Variants in RIF1 observed in about 807,000 individuals in gnomAD.
The protein encoded by RIF1 is telomere-associated protein RIF1.
In RIF1, 45 loss-of-function variants were observed where a neutral mutation model predicts 247.1. The ratio of observed to expected loss-of-function variants is 0.18; its 90% CI spans 0.14 to 0.23. The LOEUF (loss-of-function observed/expected upper bound fraction) is 0.23. Ranked by LOEUF, RIF1 falls within the 10% of genes least tolerant of loss-of-function variation. RIF1 has a pLI of 1.00. For synonymous variants in RIF1, 1,087 were observed against 978.8 expected (o/e 1.11, Z -2.06); for missense variants, 2,967 against 2,862.5 (o/e 1.04, Z -0.83).
At chr2:151,529,132 GA>G in the RIF1 span, 3 of 925,180 alleles carry the variant, frequency 3.2e-6, no homozygotes, top group Admixed American at 5.7e-5. Flanking sequence ...ATTGCCTGAA[GA>G]GATGTAAAAA....
In RIF1 at chr2:151,456,616, A is replaced by G. The variant is rs202018528; in HGVS notation, c.2648A>G (p.Asn883Ser). The change falls in exon 23 of 36, where the codon AAC (asparagine) becomes AGC (serine). Residue 883 changes from asparagine (N) to serine (S), a missense_variant. By Grantham distance (46) the Asn-to-Ser change is conservative. Transcript: ENST00000444746. ...EVPKVYSCLN[N>S]KLEKLLGEII... ...CCTAAAGTATATAGTTGTCTGAACAACAAGGTAAAAATAGACAATTCTCCA... is the reference window on the plus strand; with the variant it reads ...CCTAAAGTATATAGTTGTCTGAACAGCAAGGTAAAAATAGACAATTCTCCA... 6.5e-5 allele frequency: 98 copies of G among 1,506,084 alleles called. No homozygotes were observed. Among genetic ancestry groups the G allele is most frequent in the Non-Finnish European group, 8.7e-5 (95 of 1,094,552 alleles). The allele number at this position is 1,506,084 out of a possible 1,614,324, so 93.3% of individuals were successfully genotyped here.
At position 151,478,707 on chromosome 2, in the gene RIF1, A is replaced by G. The variant is rs1461002447; in HGVS notation, c.*3636A>G. ...AGTGAGAATAGAGTAATTGCTTTTT[A>G]AAAAGAAAGTATAAATGGGTTAATT... is the stretch of plus-strand genomic sequence containing the variant. On this transcript the variant is annotated 3_prime_UTR_variant, in exon 36 of 36. Coordinates refer to ENST00000444746, the MANE Select transcript of RIF1 (RefSeq NM_018151.5). 6.6e-6 allele frequency: 1 copy of G among 152,188 alleles called. No homozygotes were observed. The highest frequency in any genetic ancestry group is 1.9e-4 in the East Asian group (1 of 5,206). 9.4% of individuals were successfully genotyped at this position (152,188 alleles called of 1,614,324 possible).
downstream of RIF1, among the ~76,000 whole-genome samples, chr2:151,512,537 C>T (rs1275902997): frequency 1.3e-5 from 2 of 151,914 alleles, no homozygotes; most frequent in African/African-American, 4.8e-5. Context: ...TGATCTCAAA[C>T]TCGTGGACTT....
chr2:151,461,288 C>T lies in RIF1; in HGVS notation c.3226C>T (p.Arg1076Trp), dbSNP rs781586465. 173 of 1,610,680 alleles carry T rather than the reference C, an allele frequency of 1.1e-4. 1 individual carries two copies. The highest frequency in any genetic ancestry group is 5.6e-5 in the South Asian group (5 of 89,886). The stretch of plus-strand genomic sequence containing the variant: ...TCAAAAAGAAGTTCTCAAAACAAAG[C>T]GGTTTGTAGGCCTTTTATCTTGAGT... Reference protein sequence around the residue: ...DHQKEVLKTKRCDIPAMYNNL... With the variant: ...DHQKEVLKTKWCDIPAMYNNL... Residue 1076 changes from arginine to tryptophan, a missense_variant and splice_region_variant, in exon 27 of 36, where the codon CGG (arginine) becomes TGG (tryptophan). Physicochemically the swap from Arg to Trp is moderately radical, Grantham distance 101. Around this residue, in one of 7 missense-constraint regions of RIF1, gnomAD observed 2,028 missense variants for 1,825.6 expected, o/e 1.11. Transcript: ENST00000444746.
downstream of RIF1, among the ~76,000 whole-genome samples, chr2:151,512,463 C>T (rs535125329): frequency 2.0e-5 from 3 of 152,260 alleles, no homozygotes; most frequent in South Asian, 6.2e-4. Context: ...GAAGCTGGGA[C>T]TGGCGTGCAC....
rs1696618853 is a variant in RIF1 at position 151,464,426 on chromosome 2, A to G, written c.4906A>G (p.Thr1636Ala). 2.5e-6 allele frequency: 4 copies of G among 1,613,500 alleles called. No homozygotes were observed. The highest frequency in any genetic ancestry group is 3.4e-6 in the Non-Finnish European group (4 of 1,179,820). Residue 1636 changes from threonine to alanine, a missense_variant, in exon 30 of 36, where the codon ACT becomes GCT. Physicochemically the swap from Thr to Ala is moderately conservative, Grantham distance 58. Coordinates refer to ENST00000444746, the MANE Select transcript of RIF1 (RefSeq NM_018151.5). ...NTVICQDSTVTSDLLQVPDDL... is the reference protein window; with the variant it reads ...NTVICQDSTVASDLLQVPDDL... ...TGTAATATGTCAGGATTCTACAGTA[A>G]CTTCAGATTTGTTGCAAGTTCCTGA...
At chr2:151,526,822 A>G in the RIF1 span, 1 of 906,094 alleles carries the variant, frequency 1.1e-6, no homozygotes, top group Non-Finnish European at 1.8e-6. Flanking sequence ...TGATGGAAGC[A>G]GCTCTTCTCC....
intron 20 of RIF1, among the ~76,000 whole-genome samples, chr2:151,450,161 T>C (rs1694044908): frequency 6.6e-6 from 1 of 152,096 alleles, no homozygotes; most frequent in African/African-American, 2.4e-5. Flanking sequence ...CCCCCCTTTT[T>C]TTTTTAATAG....
chr2:151,414,742 T>C, intron 3 of RIF1, 81 bp from the exon 4 acceptor site: 2 of 883,576 alleles, frequency 2.3e-6, no homozygotes, highest in Non-Finnish European at 3.6e-6. Context: ...TGAATATGCT[T>C]GTTCTGTAAT....
At chr2:151,412,840 G>A (rs1039270448) in intron 3 of RIF1, among the ~76,000 whole-genome samples, 9 of 151,958 alleles carry the variant, frequency 5.9e-5, no homozygotes, top group Middle Eastern at 6.3e-3. Flanking sequence ...GATTTTTGGC[G>A]AAGTATTAAC....
At chr2:151,527,510 C>T in the RIF1 span, 1 of 1,613,324 alleles carries the variant, frequency 6.2e-7, no homozygotes, top group African/African-American at 1.3e-5. Flanking sequence ...GACTTGGCAG[C>T]CTGGAGGAAG....
At position 151,446,381 on chromosome 2, in the gene RIF1, A is replaced by G. The variant is rs759792778; in HGVS notation, c.2095-45A>G. 17 of 1,518,982 alleles carry G rather than the reference A, an allele frequency of 1.1e-5. No homozygotes were observed. In the South Asian group the frequency reaches 1.4e-4, roughly 12 times the overall value. The allele number at this position is 1,518,982 out of a possible 1,614,324, so 94.1% of individuals were successfully genotyped here. A position where few individuals can be genotyped will look rare whatever the true frequency, so the allele number is the denominator to read the frequency against. ...GTATTGATTCTATAAACTTTGATAGATAGGTATATATTAACAAAACTTCTT... is the reference window on the plus strand; with the variant it reads ...GTATTGATTCTATAAACTTTGATAGGTAGGTATATATTAACAAAACTTCTT... On this transcript the variant is annotated intron_variant, in intron 19 of 35. Transcript: ENST00000444746.
chr2:151,418,728 G>A (rs1014498554), intron 6 of RIF1, among the ~76,000 whole-genome samples: 7 of 151,956 alleles, frequency 4.6e-5, no homozygotes, highest in Admixed American at 1.3e-4. Flanking sequence ...TACAAAATCA[G>A]CCGGGCGTGG....
At chr2:151,438,938 A>T (rs1691746591) in intron 14 of RIF1, among the ~76,000 whole-genome samples, 192 bp downstream of exon 14, 2 of 152,208 alleles carry the variant, frequency 1.3e-5, no homozygotes, top group African/African-American at 4.8e-5. Flanking sequence ...CTGACCCACC[A>T]CATGGTCCAA....
At chr2:151,484,035 T>C (rs1021696367), downstream of RIF1, among the ~76,000 whole-genome samples, 2 of 152,252 alleles carry the variant, frequency 1.3e-5, no homozygotes, top group Admixed American at 6.5e-5. Context: ...AAATATGTTA[T>C]ACTGTATTGT....
At chr2:151,503,838 A>C (rs780233929) in intron 12 of RIF1, among the ~76,000 whole-genome samples, 4 of 152,150 alleles carry the variant, frequency 2.6e-5, no homozygotes, top group Non-Finnish European at 5.9e-5. Context: ...AGGATACTCT[A>C]TTCCTTCAGG....
At chr2:151,446,392 T>C in intron 19 of RIF1, 34 bp from the exon 20 acceptor site, 1 of 1,594,232 alleles carries the variant, frequency 6.3e-7, no homozygotes, top group Non-Finnish European at 8.6e-7. Flanking sequence ...TAGGTATATA[T>C]TAACAAAACT....
At chr2:151,466,548 T>TA (rs201120384) in intron 30 of RIF1, among the ~76,000 whole-genome samples, 3,876 of 148,028 alleles carry the variant, frequency 0.026, 65 homozygotes, top group African/African-American at 0.042. Flanking sequence ...CATATCTAAT[T>TA]AAAAAAAAAA....
rs753576597 is a variant in RIF1 at position 151,494,272 on chromosome 2, T to TCCAAAAAG, written c.*416-948_*416-941dup. 6 of 1,516,572 alleles carry TCCAAAAAG rather than the reference T, an allele frequency of 4.0e-6. No individual in the cohort carries two copies. In the African/African-American group the frequency reaches 8.3e-5, roughly 21 times the overall value. The allele number at this position is 1,516,572 out of a possible 1,614,324, so 93.9% of individuals were successfully genotyped here. A position where few individuals can be genotyped will look rare whatever the true frequency, so the allele number is the denominator to read the frequency against. ...ACAAAACCTATGGGAATCCAATGGG[T>TCCAAAAAG]CCAAAAAGCCAAAAAGAAAAAGAGT... On this transcript the variant is annotated intron_variant and NMD_transcript_variant, in intron 9 of 13. Coordinates refer to the RIF1 transcript ENST00000454583.
Sources: allele counts gnomAD v4.1 joint callset (sites outside exome capture counted in the v4.1 genomes callset), GRCh38; gene constraint gnomAD v4.1.1; regional missense constraint gnomAD v4.1.1; transcripts MANE v1.5; gene names NCBI Gene and HGNC (gene_info 2026-07-23, HGNC 2026-07-21).